Variants in MRTFB observed in about 807,000 individuals in gnomAD.
MRTFB encodes the protein myocardin-related transcription factor B.
MRTFB carries 29 observed loss-of-function variants against 104.2 expected under a neutral mutation model. The ratio of observed to expected loss-of-function variants is 0.28; its 90% CI spans 0.21 to 0.38. The LOEUF (loss-of-function observed/expected upper bound fraction) is 0.38. Ranked by LOEUF, MRTFB falls within the 10% of genes least tolerant of loss-of-function variation. The pLI, the probability that MRTFB is intolerant of heterozygous loss-of-function variation, is 1.00. For missense variants in MRTFB, 1,270 were observed against 1,341.6 expected (o/e 0.95, Z 0.83); for synonymous variants, 535 against 519.5 (o/e 1.03, Z -0.41).
the MRTFB span, among the ~76,000 whole-genome samples, chr16:14,024,824 G>A: frequency 6.6e-6 from 1 of 152,056 alleles, no homozygotes; most frequent in Non-Finnish European, 1.5e-5. Flanking sequence ...GTCTGTTTTT[G>A]CATGCAATTT....
intron 3 of MRTFB, among the ~76,000 whole-genome samples, chr16:14,144,994 A>G (rs569015331): frequency 9.0e-4 from 93 of 103,790 alleles, no homozygotes; most frequent in African/African-American, 6.0e-3. Flanking sequence ...ATATATATAT[A>G]TGTATATATA....
upstream of MRTFB, among the ~76,000 whole-genome samples, chr16:14,067,217 C>T (rs2033534009): frequency 6.7e-6 from 1 of 149,462 alleles, no homozygotes; most frequent in Admixed American, 6.7e-5. Flanking sequence ...TGGTGTTAAC[C>T]CTCTTTTTTT....
At chr16:14,162,696 G>A (rs776282235) in intron 3 of MRTFB, among the ~76,000 whole-genome samples, 2 of 152,132 alleles carry the variant, frequency 1.3e-5, no homozygotes, top group Admixed American at 6.5e-5. Context: ...ACTCTGTGGC[G>A]TTAGAAATCA....
intron 2 of MRTFB, among the ~76,000 whole-genome samples, chr16:14,128,017 C>A (rs2037247316): frequency 6.9e-6 from 1 of 144,544 alleles, no homozygotes; most frequent in South Asian, 2.2e-4. Flanking sequence ...TGTCTGCATG[C>A]AGTAAGTTTA....
intron 2 of MRTFB, among the ~76,000 whole-genome samples, chr16:14,132,063 G>A (rs1029673497): frequency 1.3e-5 from 2 of 152,168 alleles, no homozygotes; most frequent in African/African-American, 4.8e-5. Context: ...ACAAAAGGTG[G>A]TAAATTCACG....
chr16:14,183,492 G>A (rs961440606), intron 3 of MRTFB, among the ~76,000 whole-genome samples: 60 of 152,038 alleles, frequency 3.9e-4, no homozygotes, highest in African/African-American at 1.2e-3. Context: ...ATGTTAACTT[G>A]TTTCCTCTTT....
At chr16:14,227,104 T>A (rs2042038666) in intron 8 of MRTFB, among the ~76,000 whole-genome samples, 2 of 152,080 alleles carry the variant, frequency 1.3e-5, no homozygotes, top group Admixed American at 6.6e-5. Flanking sequence ...TTTGCTATGG[T>A]TTGGATGTTT....
intron 8 of MRTFB, among the ~76,000 whole-genome samples, chr16:14,227,442 C>T (rs1042265475): frequency 1.8e-4 from 27 of 152,294 alleles, no homozygotes; most frequent in Middle Eastern, 3.4e-3. Flanking sequence ...GCTGGTGCCA[C>T]GCATCCTGTA....
At chr16:14,198,431 G>T (rs926953157) in intron 3 of MRTFB, among the ~76,000 whole-genome samples, 1 of 152,186 alleles carries the variant, frequency 6.6e-6, no homozygotes, top group Non-Finnish European at 1.5e-5. Flanking sequence ...AGAAAGAACT[G>T]CTAAATGTTC....
chr16:14,114,524 A>T (rs932268742), intron 2 of MRTFB, among the ~76,000 whole-genome samples: 6 of 152,296 alleles, frequency 3.9e-5, no homozygotes, highest in African/African-American at 1.4e-4. Flanking sequence ...CTTCTGGGTA[A>T]AAGCTCGTTT....
At chr16:14,209,131 A>G (rs906359495) in intron 3 of MRTFB, among the ~76,000 whole-genome samples, 9 of 152,232 alleles carry the variant, frequency 5.9e-5, no homozygotes, top group African/African-American at 2.2e-4. Context: ...CTGAAAAACA[A>G]GGGATGGAGG....
chr16:14,153,449 G>A (rs2038711712), intron 3 of MRTFB, among the ~76,000 whole-genome samples: 1 of 152,076 alleles, frequency 6.6e-6, no homozygotes, highest in Admixed American at 6.5e-5. Context: ...GCATACTTTT[G>A]TACTTGTTTG....
At chr16:14,098,134 G>A (rs979345537) in intron 2 of MRTFB, among the ~76,000 whole-genome samples, 1 of 152,164 alleles carries the variant, frequency 6.6e-6, no homozygotes, top group Non-Finnish European at 1.5e-5. Context: ...ATGGATGGGT[G>A]TCTGTTTAAC....
At chr16:14,004,563 C>T in the MRTFB span, among the ~76,000 whole-genome samples, 33 of 152,246 alleles carry the variant, frequency 2.2e-4, no homozygotes, top group East Asian at 7.7e-4. Flanking sequence ...ACACAGCCCA[C>T]GGGGCCCCAT....
chr16:14,123,650 C>G (rs757991883), intron 2 of MRTFB, among the ~76,000 whole-genome samples: 18 of 152,124 alleles, frequency 1.2e-4, no homozygotes, highest in Non-Finnish European at 2.1e-4. Flanking sequence ...GGTACTAGTA[C>G]CATGCTGTTT....
At chr16:14,098,532 T>C (rs1212734414) in intron 2 of MRTFB, among the ~76,000 whole-genome samples, 1 of 152,234 alleles carries the variant, frequency 6.6e-6, no homozygotes, top group Non-Finnish European at 1.5e-5. Flanking sequence ...CCTCTTAACA[T>C]TCTTTCAAAG....
intron 2 of MRTFB, among the ~76,000 whole-genome samples, chr16:14,135,249 A>T (rs1176565748): frequency 6.6e-6 from 1 of 152,118 alleles, no homozygotes; most frequent in East Asian, 1.9e-4. Flanking sequence ...TCACCTCTTT[A>T]ATCTTTACCT....
chr16:14,017,246 C>G, the MRTFB span, among the ~76,000 whole-genome samples: 4 of 151,604 alleles, frequency 2.6e-5, no homozygotes, highest in Non-Finnish European at 4.4e-5. Flanking sequence ...TTAATAGAGA[C>G]GGGGTTTCAC....
intron 3 of MRTFB, among the ~76,000 whole-genome samples, chr16:14,181,289 G>T (rs1308474119): frequency 6.6e-6 from 1 of 152,008 alleles, no homozygotes; most frequent in African/African-American, 2.4e-5. Flanking sequence ...TGTTTATAAT[G>T]TTAAAAGCGA....
Sources: allele counts gnomAD v4.1 joint callset (sites outside exome capture counted in the v4.1 genomes callset), GRCh38; gene constraint gnomAD v4.1.1; transcripts MANE v1.5; gene names NCBI Gene and HGNC (gene_info 2026-07-23, HGNC 2026-07-21).